WASL: variants seen among roughly 807,000 people sequenced by gnomAD.
The protein encoded by WASL is actin nucleation-promoting factor WASL.
WASL carries 20 observed loss-of-function variants against 55.5 expected under a neutral mutation model. The observed-to-expected ratio is 0.36, with a 90% confidence interval of 0.25 to 0.52. The LOEUF (loss-of-function observed/expected upper bound fraction) is 0.52. WASL is among the 20% of genes least tolerant of loss of function. WASL has a pLI of 0.92. For missense variants in WASL, 504 were observed against 622.5 expected (o/e 0.81, Z 2.03); for synonymous variants, 249 against 217.6 (o/e 1.14, Z -1.27).
chr7:123,727,000 C>T (rs772508687), intron 1 of WASL, among the ~76,000 whole-genome samples: 20 of 152,006 alleles, frequency 1.3e-4, no homozygotes, highest in Non-Finnish European at 2.8e-4. Context: ...GCAATCAACC[C>T]ACTAAATCTA....
At chr7:123,741,374 G>T (rs774231995) in intron 1 of WASL, among the ~76,000 whole-genome samples, 2 of 152,112 alleles carry the variant, frequency 1.3e-5, no homozygotes, top group Non-Finnish European at 2.9e-5. Flanking sequence ...GTTTCATTAT[G>T]TGTTGTTTCA....
Position 123,684,518 on chromosome 7 carries a change from A to C in WASL, c.*1T>G. On this transcript the variant is annotated 3_prime_UTR_variant, in exon 11 of 11. Transcript: ENST00000223023. The stretch of plus-strand genomic sequence containing the variant: ...ATATATATATATATATAATATATAG[A>C]TCAGTCTTCCCACTCATCATCATCC... 1 of 833,422 alleles carries C rather than the reference A, an allele frequency of 1.2e-6. No homozygotes were observed. The highest frequency in any genetic ancestry group is 1.7e-5 in the African/African-American group (1 of 57,708). The allele number at this position is 833,422 out of a possible 1,614,324, so 51.6% of individuals were successfully genotyped here. A position where few individuals can be genotyped will look rare whatever the true frequency, so the allele number is the denominator to read the frequency against.
chr7:123,721,492 T>C (rs1465503899), intron 1 of WASL, among the ~76,000 whole-genome samples: 1 of 152,182 alleles, frequency 6.6e-6, no homozygotes, highest in Non-Finnish European at 1.5e-5. Context: ...TTTGAGACTC[T>C]CATGTACATT....
chr7:123,747,548 G>C (rs1462238916), intron 1 of WASL, among the ~76,000 whole-genome samples: 2 of 152,122 alleles, frequency 1.3e-5, no homozygotes, highest in Non-Finnish European at 2.9e-5. Flanking sequence ...ATCTGGTTTG[G>C]CATACCTAAT....
At chr7:123,736,406 CCTTA>C (rs1804230909) in intron 1 of WASL, among the ~76,000 whole-genome samples, 1 of 151,938 alleles carries the variant, frequency 6.6e-6, no homozygotes, top group African/African-American at 2.4e-5. Context: ...GGTTTTTTTC[CCTTA>C]CTATTTAAAT....
intron 5 of WASL, among the ~76,000 whole-genome samples, chr7:123,699,781 T>C (rs1803548331): frequency 6.6e-6 from 1 of 152,180 alleles, no homozygotes. Context: ...AATCAGACTG[T>C]TTCCCCTCTT....
chr7:123,739,360 C>G (rs1302455195), intron 1 of WASL, among the ~76,000 whole-genome samples: 1 of 152,164 alleles, frequency 6.6e-6, no homozygotes, highest in Non-Finnish European at 1.5e-5. Flanking sequence ...TTTTCTATCC[C>G]AAACTTTTGT....
At chr7:123,726,704 C>T (rs1804045275) in intron 1 of WASL, among the ~76,000 whole-genome samples, 1 of 151,986 alleles carries the variant, frequency 6.6e-6, no homozygotes, top group Non-Finnish European at 1.5e-5. Flanking sequence ...CATCTCTAAT[C>T]AAAATAGATA....
At chr7:123,704,784 A>G (rs1803642091) in intron 4 of WASL, 127 bp from the exon 5 acceptor site, 1 of 519,992 alleles carries the variant, frequency 1.9e-6, no homozygotes, top group Non-Finnish European at 3.3e-6. Flanking sequence ...GATTTTTCAG[A>G]AGACCCGACA....
intron 1 of WASL, among the ~76,000 whole-genome samples, chr7:123,718,551 G>A (rs1803884638): frequency 6.6e-6 from 1 of 152,076 alleles, no homozygotes; most frequent in South Asian, 2.1e-4. Context: ...AATGTTTTAA[G>A]AATCCTTCAT....
Position 123,683,657 on chromosome 7 carries a change from T to C in WASL, c.*862A>G, listed in dbSNP as rs1422103527. On this transcript the variant is annotated 3_prime_UTR_variant, in exon 11 of 11. Transcript: ENST00000223023. ...TACTATTCTGATTTGTATAGTTTTT[T>C]TAACCAAATATTGGAGTTACCATAA... 6.6e-6 allele frequency: 1 copy of C among 152,062 alleles called. No homozygotes were observed. Among genetic ancestry groups the C allele is most frequent in the Non-Finnish European group, 1.5e-5 (1 of 67,960 alleles). 9.4% of individuals were successfully genotyped at this position (152,062 alleles called of 1,614,324 possible).
chr7:123,716,193 C>T (rs1009305481), intron 1 of WASL, among the ~76,000 whole-genome samples: 31 of 152,196 alleles, frequency 2.0e-4, no homozygotes, highest in African/African-American at 7.5e-4. Context: ...GGAGTCCCAG[C>T]TCACCAATCA....
intron 4 of WASL, among the ~76,000 whole-genome samples, chr7:123,705,089 G>C (rs1249227731): frequency 6.6e-6 from 1 of 152,222 alleles, no homozygotes; most frequent in African/African-American, 2.4e-5. Context: ...ATAGAAAAGA[G>C]ATAGTAAAAA....
intron 1 of WASL, among the ~76,000 whole-genome samples, chr7:123,724,272 T>C (rs1804006146): frequency 6.6e-6 from 1 of 152,182 alleles, no homozygotes; most frequent in Non-Finnish European, 1.5e-5. Flanking sequence ...GAACCCAATA[T>C]ATATCAGAGA....
chr7:123,693,178 T>C (rs558102958), intron 8 of WASL, among the ~76,000 whole-genome samples: 1 of 152,304 alleles, frequency 6.6e-6, no homozygotes, highest in South Asian at 2.1e-4. Context: ...TACAAAATAA[T>C]AACAAAATAT....
chr7:123,687,042 C>T (rs1239286317), intron 10 of WASL, among the ~76,000 whole-genome samples: 1 of 152,054 alleles, frequency 6.6e-6, no homozygotes, highest in Non-Finnish European at 1.5e-5. Flanking sequence ...AATCAAACTC[C>T]TAATCTTCCC....
chr7:123,697,193 G>A (rs926568043), intron 5 of WASL, among the ~76,000 whole-genome samples: 2 of 152,044 alleles, frequency 1.3e-5, no homozygotes, highest in African/African-American at 4.8e-5. Context: ...AACTTTATTA[G>A]TCAAGAAGAA....
At chr7:123,731,677 A>T (rs1804139019) in intron 1 of WASL, among the ~76,000 whole-genome samples, 1 of 152,236 alleles carries the variant, frequency 6.6e-6, no homozygotes, top group Non-Finnish European at 1.5e-5. Context: ...ATTTCTAAAC[A>T]TACTTCTAAA....
At chr7:123,697,681 A>G (rs778382162) in intron 5 of WASL, among the ~76,000 whole-genome samples, 12 of 152,198 alleles carry the variant, frequency 7.9e-5, no homozygotes, top group South Asian at 2.1e-4. Flanking sequence ...TGTAGAAAAG[A>G]GTTTAAGGCA....
Sources: gnomAD v4.1 joint callset for allele counts (sites outside exome capture counted in the v4.1 genomes callset) on GRCh38, gnomAD v4.1.1 for gene constraint, MANE v1.5 for transcripts, NCBI Gene and HGNC (gene_info 2026-07-23, HGNC 2026-07-21) for gene names.